The following ACACB variants were observed in gnomAD, a reference collection of about 807,000 sequenced individuals.
ACACB encodes acetyl-CoA carboxylase beta, also known as acetyl-CoA carboxylase 2.
In ACACB, 209 loss-of-function variants were observed where a neutral mutation model predicts 278.8. That is an observed-to-expected ratio of 0.75 (90% confidence interval 0.67 to 0.84). The LOEUF (loss-of-function observed/expected upper bound fraction) is 0.84, where lower values mean the gene tolerates loss of function less well. Among genes scored for constraint, ACACB ranks in the 40% least tolerant of loss-of-function variants. The pLI is 0.00. For synonymous variants in ACACB, 1,174 were observed against 1,285.6 expected, an observed-to-expected ratio of 0.91 and a Z score of 1.86; for missense variants, 2,850 against 3,269.0, an observed-to-expected ratio of 0.87 and a Z score of 3.13.
intron 1 of ACACB, among the ~76,000 whole-genome samples, chr12:109,124,204 A>G (rs1192587082): frequency 1.3e-5 from 2 of 152,214 alleles, no homozygotes; most frequent in Non-Finnish European, 2.9e-5. Context: ...GGTTTTATTC[A>G]AATCAGGACC....
intron 45 of ACACB, among the ~76,000 whole-genome samples, chr12:109,256,462 G>A (rs2047227044): frequency 6.6e-6 from 1 of 152,162 alleles, no homozygotes; most frequent in South Asian, 2.1e-4. Flanking sequence ...CAGTCCCCAG[G>A]CCACAAGGGC....
chr12:109,187,118 T>A (rs1375829076), intron 12 of ACACB, among the ~76,000 whole-genome samples: 1 of 116,450 alleles, frequency 8.6e-6, no homozygotes. Context: ...AAGAGGGGAG[T>A]GAGGAAGGAC....
chr12:109,216,236 T>C (rs1333616888), intron 22 of ACACB, among the ~76,000 whole-genome samples: 3 of 149,662 alleles, frequency 2.0e-5, no homozygotes, highest in Non-Finnish European at 3.0e-5. Flanking sequence ...TTTTTTTTTT[T>C]TTTGAGACGG....
intron 48 of ACACB, 69 bp from the exon 49 acceptor site, chr12:109,262,288 C>T: frequency 1.6e-6 from 2 of 1,261,986 alleles, no homozygotes; most frequent in Non-Finnish European, 1.1e-6. Flanking sequence ...CAGCTCCCCC[C>T]ACATCCATTA....
intron 7 of ACACB, 70 bp from the exon 8 acceptor site, chr12:109,175,861 G>T: frequency 7.4e-7 from 1 of 1,346,934 alleles, no homozygotes. Context: ...AGGGAGAGGC[G>T]CTGTGGTTTC....
chr12:109,161,869 G>A (rs181140106), intron 2 of ACACB, among the ~76,000 whole-genome samples: 205 of 152,124 alleles, frequency 1.3e-3, no homozygotes, highest in African/African-American at 4.5e-3. Context: ...ATATAGCAAA[G>A]AGATAACGGC....
At chr12:109,182,264 A>C (rs1446802226) in intron 11 of ACACB, among the ~76,000 whole-genome samples, 1 of 152,132 alleles carries the variant, frequency 6.6e-6, no homozygotes, top group East Asian at 1.9e-4. Context: ...GCCTTTTCCT[A>C]TGCCTGTTTG....
At chr12:109,223,664 A>G in intron 26 of ACACB, 151 bp from the exon 27 acceptor site, 2 of 708,162 alleles carry the variant, frequency 2.8e-6, no homozygotes, top group Non-Finnish European at 5.0e-6. Flanking sequence ...CAAGAGGTTG[A>G]GGTGGGGAGA....
intron 17 of ACACB, 53 bp from the exon 18 acceptor site, chr12:109,199,349 G>C: frequency 1.5e-6 from 2 of 1,345,354 alleles, no homozygotes; most frequent in Non-Finnish European, 1.9e-6. Flanking sequence ...ACTAGGGCTT[G>C]CTGAGTTGGT....
chr12:109,171,601 C>T (rs12825055), intron 4 of ACACB, among the ~76,000 whole-genome samples: 30,946 of 152,112 alleles, frequency 0.2, 3,494 homozygotes, highest in East Asian at 0.53. Flanking sequence ...CTGCCTGCCT[C>T]GGCCTCCCAA....
rs990882451 is a variant in ACACB, at chr12:109,267,955, C to T, written c.*1593C>T. ...TTGAGGGTATCCAAGTTGAAAAAGA[C>T]AAAATCTGACCATCAGCCAGTGACA... is the stretch of plus-strand genomic sequence containing the variant. On this transcript the variant is annotated 3_prime_UTR_variant, in exon 53 of 53. Transcript: ENST00000338432. 2.0e-5 allele frequency: 3 copies of T among 147,106 alleles called. No individual in the cohort carries two copies. The highest frequency in any genetic ancestry group is 6.7e-5 in the Admixed American group (1 of 14,838). The allele number at this position is 147,106 out of a possible 1,614,324, so 9.1% of individuals were successfully genotyped here.
rs2043859875 is a variant in ACACB, at chr12:109,165,255, GATGTAGGGGCCTAGAGGACA to G, written c.654-1605_654-1586del. ...CAAAGGGAAGCCCCAAAACAATGGT[GATGTAGGGGCCTAGAGGACA>G]GCCAGTACCTACGGAAGGAGAACAG... On this transcript the variant is annotated intron_variant, in intron 2 of 52. Transcript: ENST00000338432. 4.6e-5 allele frequency among the ~76,000 whole-genome samples: 7 copies of G among 152,326 alleles called. No homozygotes were observed. In the South Asian group the frequency reaches 8.3e-4, roughly 18 times the overall value.
intron 50 of ACACB, among the ~76,000 whole-genome samples, chr12:109,264,705 C>T (rs535934163): frequency 3.9e-5 from 6 of 152,154 alleles, no homozygotes; most frequent in African/African-American, 9.6e-5. Flanking sequence ...GGGTAGAAAC[C>T]GTTGTTCCTG....
At position 109,256,024 on chromosome 12, in the gene ACACB, T is replaced by C. The variant is rs2047214632; in HGVS notation, c.6167-116T>C. ...GTGGTTTTAGGTAGAAAGGGGTATC[T>C]GGGCTATGAGGTTAAAGCCAGGCTG... On this transcript the variant is annotated intron_variant, in intron 44 of 52. Transcript: ENST00000338432. 32 of 698,552 alleles carry C rather than the reference T, an allele frequency of 4.6e-5. No homozygotes were observed. In the South Asian group the frequency reaches 5.5e-4, roughly 12 times the overall value. 43.3% of individuals were successfully genotyped at this position (698,552 alleles called of 1,614,324 possible).
rs746969049 is a variant in ACACB at position 109,166,963 on chromosome 12, AC to A, written c.757del (p.Arg253AlafsTer21). 1 of 1,613,806 alleles carries A rather than the reference AC, an allele frequency of 6.2e-7. No homozygotes were observed. Among genetic ancestry groups the A allele is most frequent in the Non-Finnish European group, 8.5e-7 (1 of 1,180,012 alleles). Reference sequence around the variant, plus strand: ...TGGCTTCTCCCGCTGAGTTTGTCACACGCTTTGGGGGGGATCGGGTCATCGA... The same window carrying A: ...TGGCTTCTCCCGCTGAGTTTGTCACAGCTTTGGGGGGGATCGGGTCATCGA... ...TVASPAEFVT[R>X]FGGDRVIEKV... On this transcript the variant is annotated frameshift_variant, in exon 3 of 53. Transcript: ENST00000338432. LOFTEE classifies it high-confidence loss of function.
intron 12 of ACACB, among the ~76,000 whole-genome samples, chr12:109,185,964 C>A (rs2136248856): frequency 6.6e-6 from 1 of 151,768 alleles, no homozygotes; most frequent in South Asian, 2.1e-4. Context: ...GGAGTCTCAC[C>A]CTGTCACCCA....
At chr12:109,235,733 C>T in intron 33 of ACACB, 86 bp downstream of exon 33, 2 of 1,270,816 alleles carry the variant, frequency 1.6e-6, no homozygotes, top group Admixed American at 4.0e-5. Context: ...TGTGGTGGCT[C>T]AAGCCCGTAA....
chr12:109,116,258 C>A (rs2042402203), upstream of ACACB, among the ~76,000 whole-genome samples: 1 of 152,196 alleles, frequency 6.6e-6, no homozygotes, highest in Non-Finnish European at 1.5e-5. Context: ...TCAATGGGGG[C>A]TTGTTTCTCA....
Position 109,245,728 on chromosome 12 carries a change from C to T in ACACB, c.5281C>T (p.Arg1761Ter), listed in dbSNP as rs568475654. 1.5e-5 allele frequency: 25 copies of T among 1,614,024 alleles called. No individual in the cohort carries two copies. The highest frequency in any genetic ancestry group is 1.3e-4 in the East Asian group (6 of 44,874). ...TCAGGGCCAGCTGGTGGAGATGAAC[C>T]GACTTCCTGGTGGAAATGAGGTAAT... ...DSQGQLVEMN[R>*]LPGGNEVGMV... The change falls in exon 38 of 53, where the codon CGA becomes TGA. Residue 1761 changes from arginine (R) to a stop codon, truncating the protein, a stop_gained. Transcript: ENST00000338432. LOFTEE classifies it high-confidence loss of function.
Sources: gnomAD v4.1 joint callset for allele counts (sites outside exome capture counted in the v4.1 genomes callset) on GRCh38, gnomAD v4.1.1 for gene constraint, MANE v1.5 for transcripts, NCBI Gene and HGNC (gene_info 2026-07-23, HGNC 2026-07-21) for gene names.